The following KCTD8 variants were observed in gnomAD, a reference collection of about 807,000 sequenced individuals.
The protein encoded by KCTD8 is potassium channel tetramerization domain containing 8.
KCTD8 carries 27 observed loss-of-function variants against 31.5 expected under a neutral mutation model. The observed-to-expected ratio is 0.86, with a 90% CI of 0.63 to 1.18. KCTD8 has a LOEUF of 1.18. Ranked by LOEUF, KCTD8 falls within the 50% of genes most tolerant of loss-of-function variation. KCTD8 has a pLI of 0.00. For missense variants in KCTD8, 658 were observed against 647.7 expected (o/e 1.02, Z -0.17); for synonymous variants, 290 against 280.0 (o/e 1.04, Z -0.36).
intron 1 of KCTD8, among the ~76,000 whole-genome samples, chr4:44,418,948 G>A (rs1262358535): frequency 2.0e-5 from 3 of 152,032 alleles, no homozygotes; most frequent in East Asian, 3.9e-4. Context: ...TAACCCAACC[G>A]TGGCTGTGCT....
At chr4:44,340,564 C>T (rs542441317) in intron 1 of KCTD8, among the ~76,000 whole-genome samples, 1 of 151,552 alleles carries the variant, frequency 6.6e-6, no homozygotes, top group South Asian at 2.1e-4. Context: ...CCGCCTCGGC[C>T]TCCCAAAGTG....
At chr4:44,248,341 A>G (rs939967507) in intron 1 of KCTD8, among the ~76,000 whole-genome samples, 3 of 151,516 alleles carry the variant, frequency 2.0e-5, no homozygotes, top group African/African-American at 7.3e-5. Flanking sequence ...GGCAATCCCA[A>G]CAACAGGAGA....
intron 1 of KCTD8, among the ~76,000 whole-genome samples, chr4:44,236,875 A>G (rs1434959044): frequency 6.6e-6 from 1 of 152,146 alleles, no homozygotes; most frequent in Non-Finnish European, 1.5e-5. Context: ...TTCTCATGGT[A>G]GTAAGTCTCA....
intron 1 of KCTD8, among the ~76,000 whole-genome samples, chr4:44,178,261 A>G (rs749376056): frequency 6.6e-6 from 1 of 152,160 alleles, no homozygotes; most frequent in Non-Finnish European, 1.5e-5. Context: ...GAGTATATCA[A>G]GGTATATCAG....
chr4:44,406,431 C>T (rs1383612455), intron 1 of KCTD8, among the ~76,000 whole-genome samples: 2 of 152,110 alleles, frequency 1.3e-5, no homozygotes, highest in African/African-American at 4.8e-5. Flanking sequence ...TGGTTTCCTC[C>T]ATACTGTTCT....
Position 44,315,359 on chromosome 4 carries a change from G to T in KCTD8, c.961+132204C>A, listed in dbSNP as rs375628916. Among the ~76,000 whole-genome samples, 14 of 152,000 alleles carry T rather than the reference G, an allele frequency of 9.2e-5. No individual in the cohort carries two copies. The South Asian group carries it at 2.5e-3, about 27-fold the overall frequency. ...CTTCTGTAAATACGCATCCTAAAGAGAATTTTCTGTTTCTATAGCTTAATA... is the reference window on the plus strand; with the variant it reads ...CTTCTGTAAATACGCATCCTAAAGATAATTTTCTGTTTCTATAGCTTAATA... On this transcript the variant is annotated intron_variant, in intron 1 of 1. Coordinates refer to ENST00000360029, the MANE Select transcript of KCTD8 (RefSeq NM_198353.3).
At chr4:44,283,629 G>T (rs938074043) in intron 1 of KCTD8, among the ~76,000 whole-genome samples, 1 of 152,016 alleles carries the variant, frequency 6.6e-6, no homozygotes, top group African/African-American at 2.4e-5. Flanking sequence ...TTACAGCATG[G>T]TTTACTATTT....
chr4:44,341,316 T>G (rs948382735), intron 1 of KCTD8, among the ~76,000 whole-genome samples: 1 of 152,162 alleles, frequency 6.6e-6, no homozygotes, highest in Non-Finnish European at 1.5e-5. Context: ...AGGGTGGTGT[T>G]TGCAGAACCC....
chr4:44,281,846 G>C (rs549422384), intron 1 of KCTD8, among the ~76,000 whole-genome samples: 2 of 152,110 alleles, frequency 1.3e-5, no homozygotes, highest in South Asian at 4.2e-4. Flanking sequence ...AGCTTTTTGA[G>C]GCTTGTATTC....
chr4:44,400,684 G>A (rs536358502), intron 1 of KCTD8, among the ~76,000 whole-genome samples: 8 of 145,508 alleles, frequency 5.5e-5, no homozygotes, highest in East Asian at 2.0e-4. Flanking sequence ...AGCTGAAATC[G>A]TGCCACTGGA....
chr4:44,290,151 G>A (rs1042662017), intron 1 of KCTD8, among the ~76,000 whole-genome samples: 1 of 151,946 alleles, frequency 6.6e-6, no homozygotes, highest in Non-Finnish European at 1.5e-5. Context: ...ACAATAAAGT[G>A]CAGGAATCAC....
At chr4:44,432,227 A>C (rs927425054) in intron 1 of KCTD8, among the ~76,000 whole-genome samples, 2 of 151,520 alleles carry the variant, frequency 1.3e-5, no homozygotes, top group African/African-American at 4.8e-5. Flanking sequence ...AGATTTGTAA[A>C]AAAAATTATT....
intron 1 of KCTD8, among the ~76,000 whole-genome samples, chr4:44,375,853 G>A (rs567941851): frequency 1.2e-4 from 18 of 152,076 alleles, no homozygotes; most frequent in East Asian, 3.9e-4. Context: ...CAAATCCCTC[G>A]GAGATTATAC....
At chr4:44,207,713 T>C (rs757541749) in intron 1 of KCTD8, among the ~76,000 whole-genome samples, 7 of 152,160 alleles carry the variant, frequency 4.6e-5, no homozygotes, top group Non-Finnish European at 7.3e-5. Context: ...GCAGGGGGCA[T>C]AGTGGGGAAC....
rs909998138 is a variant in KCTD8 at position 44,227,308 on chromosome 4, A to G, written c.962-52058T>C. On this transcript the variant is annotated intron_variant, in intron 1 of 1. Coordinates refer to ENST00000360029, the MANE Select transcript of KCTD8 (RefSeq NM_198353.3). ...TTATTAAATAGGGAATCCTTTCTCC[A>G]TTACTTGCTTTTGTCAGGTTTGTTG... Among the ~76,000 whole-genome samples, 5 of 152,164 alleles carry G rather than the reference A, an allele frequency of 3.3e-5. No individual in the cohort carries two copies. In the East Asian group the frequency reaches 9.6e-4, roughly 29 times the overall value.
Position 44,448,556 on chromosome 4 carries a change from G to T in KCTD8, c.-33C>A. ...CCGCCGCCGGCCCAGTGACCCGAGA[G>T]AGCTGCACTTTCTCGTTCCCGGAGC... is the stretch of plus-strand genomic sequence containing the variant. On this transcript the variant is annotated 5_prime_UTR_variant, in exon 1 of 2. Coordinates refer to ENST00000360029, the MANE Select transcript of KCTD8 (RefSeq NM_198353.3). The surrounding 1 kb of genome is among the most constrained non-coding windows in gnomAD (Gnocchi z 4.1). 7.0e-7 allele frequency: 1 copy of T among 1,424,186 alleles called. No individual in the cohort carries two copies. Among genetic ancestry groups the T allele is most frequent in the South Asian group, 1.7e-5 (1 of 59,770 alleles). 88.2% of individuals were successfully genotyped at this position (1,424,186 alleles called of 1,614,324 possible). A position where few individuals can be genotyped will look rare whatever the true frequency, so the allele number is the denominator to read the frequency against.
chr4:44,244,150 G>A (rs748657963), intron 1 of KCTD8, among the ~76,000 whole-genome samples: 13 of 152,138 alleles, frequency 8.5e-5, no homozygotes, highest in Non-Finnish European at 1.8e-4. Context: ...ACCCTATTCC[G>A]AGGAGACATT....
At position 44,216,122 on chromosome 4, in the gene KCTD8, G is replaced by A. The variant is rs529429166; in HGVS notation, c.962-40872C>T. Among the ~76,000 whole-genome samples, 26 of 152,158 alleles carry A rather than the reference G, an allele frequency of 1.7e-4. No individual in the cohort carries two copies. In the South Asian group the frequency reaches 1.9e-3, roughly 11 times the overall value. The stretch of plus-strand genomic sequence containing the variant: ...ATTTTTCTGAGTGACAATTCTAAAC[G>A]AGAGTTTATAACAATATTGGGAGTT... On this transcript the variant is annotated intron_variant, in intron 1 of 1. Transcript: ENST00000360029.
intron 1 of KCTD8, among the ~76,000 whole-genome samples, chr4:44,408,280 C>A (rs1720853161): frequency 6.6e-6 from 1 of 152,104 alleles, no homozygotes; most frequent in Admixed American, 6.6e-5. Context: ...AATATTAAAT[C>A]CATACTTCTA....
Sources: gnomAD v4.1 joint callset for allele counts (sites outside exome capture counted in the v4.1 genomes callset) on GRCh38, gnomAD v4.1.1 for gene constraint, Gnocchi (gnomAD v3.1) non-coding constraint, MANE v1.5 for transcripts, NCBI Gene and HGNC (gene_info 2026-07-23, HGNC 2026-07-21) for gene names.